SLC12A4: variants seen among roughly 807,000 people sequenced by gnomAD.
The protein encoded by SLC12A4 is electroneutral potassium-chloride cotransporter 1.
SLC12A4 carries 84 observed loss-of-function variants against 119.2 expected under a neutral mutation model. That is an observed-to-expected ratio of 0.70 (90% CI 0.59 to 0.85). The LOEUF (loss-of-function observed/expected upper bound fraction) is 0.85, where lower values mean the gene tolerates loss of function less well. Ranked by LOEUF, SLC12A4 falls within the 40% of genes least tolerant of loss-of-function variation. The probability of loss-of-function intolerance (pLI) is 0.00; values close to 1 mark genes in which losing one functional copy is unlikely to be tolerated. For synonymous variants in SLC12A4, 599 were observed against 604.6 expected, an observed-to-expected ratio of 0.99 and a Z score of 0.14; for missense variants, 1,298 against 1,476.3, an observed-to-expected ratio of 0.88 and a Z score of 1.98.
chr16:67,963,318 G>A, intron 2 of SLC12A4, 147 bp downstream of exon 2: 1 of 493,208 alleles, frequency 2.0e-6, no homozygotes, highest in East Asian at 3.9e-5. Context: ...AGGGCCAAGG[G>A]AACTGCAGCC....
Position 67,947,262 on chromosome 16 carries a change from C to T in SLC12A4, c.2072+69G>A, listed in dbSNP as rs1490906910. ...CCCAGGATGGGGAGCCGGCACCTCT[C>T]GACCCTCTGACCCCGACAGCGACCC... is the stretch of plus-strand genomic sequence containing the variant. On this transcript the variant is annotated intron_variant, in intron 16 of 23. Coordinates refer to ENST00000316341, the MANE Select transcript of SLC12A4 (RefSeq NM_005072.5). 16 of 1,531,390 alleles carry T rather than the reference C, an allele frequency of 1.0e-5. 1 individual carries two copies. Among genetic ancestry groups the T allele is most frequent in the South Asian group, 5.8e-5 (5 of 85,916 alleles). The allele number at this position is 1,531,390 out of a possible 1,614,324, so 94.9% of individuals were successfully genotyped here. A position where few individuals can be genotyped will look rare whatever the true frequency, so the allele number is the denominator to read the frequency against.
chr16:67,953,035 T>C (rs1424221076), intron 6 of SLC12A4, among the ~76,000 whole-genome samples: 1 of 150,870 alleles, frequency 6.6e-6, no homozygotes, highest in Non-Finnish European at 1.5e-5. Flanking sequence ...GAGGTGGTGG[T>C]TGCAGTGAGT....
rs754038616 is a variant in SLC12A4, at chr16:67,946,569, T to C, written c.2306A>G (p.Lys769Arg). Residue 769 changes from lysine to arginine, a missense_variant, in exon 18 of 24, where the codon AAG becomes AGG. Lys to Arg is a conservative substitution (Grantham distance 26). Transcript: ENST00000316341. Reference sequence around the variant, plus strand: ...GAGGTGGGCCAGCCCCTCCCGCACCTTGCTGGCCACCACCACCTGGCAGAA... The same window carrying C: ...GAGGTGGGCCAGCCCCTCCCGCACCCTGCTGGCCACCACCACCTGGCAGAA... Reference protein sequence around the residue: ...KGFCQVVVASKVREGLAHLIQ... With the variant: ...KGFCQVVVASRVREGLAHLIQ... The C allele has an allele frequency of 1.2e-6, 2 of 1,612,896 alleles. No homozygotes were observed. Among genetic ancestry groups the C allele is most frequent in the South Asian group, 2.2e-5 (2 of 91,084 alleles).
rs1212119523 is a variant in SLC12A4 at position 67,949,417 on chromosome 16, C to T, written c.1748+383G>A. ...AGTGAGCCAAGATCATGCCATTGCA[C>T]TCCAGCCTGGGTGAGAGAGTGAGAC... On this transcript the variant is annotated intron_variant, in intron 13 of 23. Coordinates refer to ENST00000316341, the MANE Select transcript of SLC12A4 (RefSeq NM_005072.5). This position sits in a 1 kb window ranked among gnomAD's most constrained non-coding sequence, Gnocchi z 4.6. Among the ~76,000 whole-genome samples the T allele has an allele frequency of 1.3e-5, 2 of 151,758 alleles. No homozygotes were observed. The highest frequency in any genetic ancestry group is 4.8e-5 in the African/African-American group (2 of 41,258).
chr16:67,952,473 G>A (rs747919807), intron 6 of SLC12A4, 48 bp from the exon 7 acceptor site: 23 of 1,604,620 alleles, frequency 1.4e-5, no homozygotes, highest in South Asian at 5.5e-5. Context: ...TATTTGGAAA[G>A]TGAAACTTGT....
intron 3 of SLC12A4, among the ~76,000 whole-genome samples, 155 bp from the exon 4 acceptor site, chr16:67,958,199 A>G (rs920084058): frequency 1.1e-4 from 17 of 152,292 alleles, no homozygotes; most frequent in African/African-American, 4.1e-4. Flanking sequence ...TGACTTTCAT[A>G]TAGGAAGACA....
intron 6 of SLC12A4, chr16:67,954,186 G>A (rs546563313): frequency 1.4e-3 from 529 of 381,360 alleles, no homozygotes; most frequent in Non-Finnish European, 2.4e-3. Context: ...TGGAGGGAGC[G>A]CCGACCTCCA....
At position 67,947,345 on chromosome 16, in the gene SLC12A4, G is replaced by C; in HGVS notation, c.2058C>G (p.His686Gln). ...CGGGAACTCACCGCCAGTTCTTGGT[G>C]TGAGGAGGCCCCTCCTCCAGCCGCA... is the stretch of plus-strand genomic sequence containing the variant. Reference protein sequence around the residue: ...ALLRLEEGPPHTKNWRPQLLV... With the variant: ...ALLRLEEGPPQTKNWRPQLLV... The change falls in exon 16 of 24, where the codon CAC (histidine) becomes CAG (glutamine). Residue 686 changes from histidine to glutamine, a missense_variant. Physicochemically the swap from His to Gln is conservative, Grantham distance 24 (BLOSUM62 0). Transcript: ENST00000316341. 1 of 1,612,044 alleles carries C rather than the reference G, an allele frequency of 6.2e-7. No homozygotes were observed. Among genetic ancestry groups the C allele is most frequent in the Admixed American group, 1.7e-5 (1 of 59,976 alleles).
At chr16:67,948,335 G>A (rs1348977343) in intron 13 of SLC12A4, among the ~76,000 whole-genome samples, 176 bp from the exon 14 acceptor site, 1 of 152,254 alleles carries the variant, frequency 6.6e-6, no homozygotes, top group African/African-American at 2.4e-5. Flanking sequence ...AGACTACTGT[G>A]GAGGAGTCCT....
intron 5 of SLC12A4, among the ~76,000 whole-genome samples, chr16:67,955,936 G>C (rs1243338992): frequency 1.4e-4 from 21 of 152,004 alleles, no homozygotes; most frequent in Admixed American, 1.4e-3. Flanking sequence ...CAGCACTTTG[G>C]GAGGCTGAGG....
chr16:67,950,316 C>G lies in SLC12A4; in HGVS notation c.1629+3G>C. ...GGCCATGGGGGAGTGCAGAGGGGCTCACCCGGAGGAAGGGGATGATGTTGT... is the reference window on the plus strand; with the variant it reads ...GGCCATGGGGGAGTGCAGAGGGGCTGACCCGGAGGAAGGGGATGATGTTGT... On this transcript the variant is annotated splice_donor_region_variant and intron_variant, in intron 12 of 23. Transcript: ENST00000316341. This position sits in a 1 kb window ranked among gnomAD's most constrained non-coding sequence, Gnocchi z 4.3. 4 of 1,613,288 alleles carry G rather than the reference C, an allele frequency of 2.5e-6. No homozygotes were observed. Among genetic ancestry groups the G allele is most frequent in the Non-Finnish European group, 3.4e-6 (4 of 1,179,764 alleles).
rs2058353577 is a variant in SLC12A4, at chr16:67,946,609, C to T, written c.2266G>A (p.Glu756Lys). 6.2e-7 allele frequency: 1 copy of T among 1,612,848 alleles called. No individual in the cohort carries two copies. Among genetic ancestry groups the T allele is most frequent in the Non-Finnish European group, 8.5e-7 (1 of 1,179,666 alleles). ...ACCTGGCAGAAGCCCTTCACCTTCT[C>T]AATTTCCATCATGTTCTTGATGGTC... ...EQTIKNMMEI[E>K]KVKGFCQVVV... is the part of the protein sequence containing the mutation. Residue 756 changes from glutamate to lysine, a missense_variant, in exon 18 of 24, where the codon GAG (glutamate) becomes AAG (lysine). Physicochemically the swap from Glu to Lys is moderately conservative, Grantham distance 56. Transcript: ENST00000316341.
At position 67,946,060 on chromosome 16, in the gene SLC12A4, C is replaced by T. The variant is rs780826348; in HGVS notation, c.2630G>A (p.Arg877His). ...ATCCATCTGGGCCACTGTGAAGATGCGCATCCGGCACTTCCTCCAGACCTG... is the reference window on the plus strand; with the variant it reads ...ATCCATCTGGGCCACTGTGAAGATGTGCATCCGGCACTTCCTCCAGACCTG... ...QHKVWRKCRM[R>H]IFTVAQMDDN... is the part of the protein sequence containing the mutation. Residue 877 changes from arginine (R) to histidine (H), a missense_variant, in exon 20 of 24, where the codon CGC becomes CAC. Transcript: ENST00000316341. 2.2e-5 allele frequency: 35 copies of T among 1,613,878 alleles called. No homozygotes were observed. The highest frequency in any genetic ancestry group is 6.7e-5 in the East Asian group (3 of 44,882).
At chr16:67,966,283 G>C (rs1469283403) in intron 1 of SLC12A4, among the ~76,000 whole-genome samples, 1 of 152,246 alleles carries the variant, frequency 6.6e-6, no homozygotes, top group East Asian at 1.9e-4. Context: ...GAATGTAAGG[G>C]TCTAAGTAGT....
At chr16:67,953,366 G>T (rs989465183) in intron 6 of SLC12A4, among the ~76,000 whole-genome samples, 1 of 152,168 alleles carries the variant, frequency 6.6e-6, no homozygotes, top group African/African-American at 2.4e-5. Flanking sequence ...CAGCTTGGGC[G>T]ACAGAGTGAG....
rs775380488 is a variant in SLC12A4, at chr16:67,945,234, A to G, written c.3033-14T>C. ...TTGGATTGGTCCCTACACGTAGTGTAGCCAGTCACAGGTCGCCATGAGCCA... is the reference window on the plus strand; with the variant it reads ...TTGGATTGGTCCCTACACGTAGTGTGGCCAGTCACAGGTCGCCATGAGCCA... On this transcript the variant is annotated splice_polypyrimidine_tract_variant and intron_variant, in intron 22 of 23. Transcript: ENST00000316341. 1 of 1,552,468 alleles carries G rather than the reference A, an allele frequency of 6.4e-7. No homozygotes were observed. Among genetic ancestry groups the G allele is most frequent in the East Asian group, 2.3e-5 (1 of 44,320 alleles).
intron 6 of SLC12A4, 147 bp downstream of exon 6, chr16:67,954,496 G>A (rs2030134111): frequency 9.3e-6 from 9 of 971,906 alleles, no homozygotes; most frequent in Non-Finnish European, 1.4e-5. Flanking sequence ...CCTGAGTAAA[G>A]GTCTTTGTCT....
Position 67,944,023 on chromosome 16 carries a change from G to T in SLC12A4, c.*817C>A. The T allele has an allele frequency of 6.5e-7, 1 of 1,547,950 alleles. No homozygotes were observed. The highest frequency in any genetic ancestry group is 2.4e-5 in the East Asian group (1 of 40,882). On this transcript the variant is annotated 3_prime_UTR_variant, in exon 24 of 24. Coordinates refer to ENST00000316341, the MANE Select transcript of SLC12A4 (RefSeq NM_005072.5). This position sits in a 1 kb window ranked among gnomAD's most constrained non-coding sequence, Gnocchi z 6.6. ...TGCGGGGGGAAGAGCACATTGAGGA[G>T]CCAGAAGGGGGCGGCAGGAGGGAGC...
At chr16:67,957,194 G>A (rs2030312816) in intron 5 of SLC12A4, among the ~76,000 whole-genome samples, 1 of 149,976 alleles carries the variant, frequency 6.7e-6, no homozygotes, top group Non-Finnish European at 1.5e-5. Flanking sequence ...TTTTGCGACG[G>A]AGTCTCGCTC....
Sources: allele counts gnomAD v4.1 joint callset (sites outside exome capture counted in the v4.1 genomes callset), GRCh38; gene constraint gnomAD v4.1.1; non-coding constraint Gnocchi (gnomAD v3.1); transcripts MANE v1.5; gene names NCBI Gene and HGNC (gene_info 2026-07-23, HGNC 2026-07-21).